TULP3: variants seen among roughly 807,000 people sequenced by gnomAD.
The protein encoded by TULP3 is tubby-related protein 3.
Under a neutral mutation model 50.7 loss-of-function variants are expected in TULP3, and 38 were observed. The observed-to-expected ratio is 0.75, with a 90% CI of 0.58 to 0.98. The LOEUF is 0.98. Among genes scored for constraint, TULP3 ranks in the 50% least tolerant of loss-of-function variants. The pLI is 0.00. For synonymous variants in TULP3, 183 were observed against 196.6 expected, an observed-to-expected ratio of 0.93 and a Z score of 0.58; for missense variants, 550 against 568.0, an observed-to-expected ratio of 0.97 and a Z score of 0.32.
rs761690026 is a variant in TULP3 at position 2,940,764 on chromosome 12, TC to T, written c.*1325del. The T allele has an allele frequency of 2.0e-5, 31 of 1,512,612 alleles. 1 individual carries two copies. The highest frequency in any genetic ancestry group is 3.4e-4 in the Middle Eastern group (2 of 5,838). The allele number at this position is 1,512,612 out of a possible 1,614,324, so 93.7% of individuals were successfully genotyped here. On this transcript the variant is annotated 3_prime_UTR_variant, in exon 11 of 11. Transcript: ENST00000448120. ...TGGCAGCTGCGGGACCCTTGGCTTG[TC>T]CCCCACCGACAAGTCCCACCTGCTG... is the stretch of plus-strand genomic sequence containing the variant.
At chr12:2,917,740 G>A (rs955696962) in intron 2 of TULP3, among the ~76,000 whole-genome samples, 4 of 151,456 alleles carry the variant, frequency 2.6e-5, no homozygotes, top group Non-Finnish European at 4.4e-5. Flanking sequence ...AGCCGGGCGC[G>A]GTGCCGGACG....
chr12:2,935,307 A>G lies in TULP3; in HGVS notation c.924+746A>G, dbSNP rs184193445. 1.1e-3 allele frequency among the ~76,000 whole-genome samples: 165 copies of G among 152,270 alleles called. 1 individual carries two copies. Among genetic ancestry groups the G allele is most frequent in the African/African-American group, 3.8e-3 (158 of 41,564 alleles). On this transcript the variant is annotated intron_variant, in intron 8 of 10. Coordinates refer to ENST00000448120, the MANE Select transcript of TULP3 (RefSeq NM_003324.5). ...CTCTTTCTGGCCTTTTGCCTTATCA[A>G]AGTCTTTTCTGATGTACTCCACTAG... is the stretch of plus-strand genomic sequence containing the variant.
intron 6 of TULP3, among the ~76,000 whole-genome samples, chr12:2,933,084 A>G (rs944033121): frequency 6.6e-6 from 1 of 152,044 alleles, no homozygotes; most frequent in South Asian, 2.1e-4. Flanking sequence ...CTGGGACTGC[A>G]GGCGTCTGCA....
intron 8 of TULP3, 123 bp downstream of exon 8, chr12:2,934,684 G>C (rs922838793): frequency 1.7e-5 from 9 of 532,412 alleles, no homozygotes; most frequent in African/African-American, 1.6e-4. Flanking sequence ...TTCTGTTGCT[G>C]TACCATTTTC....
intron 2 of TULP3, among the ~76,000 whole-genome samples, chr12:2,910,970 C>A (rs369454029): frequency 6.1e-4 from 93 of 152,204 alleles, no homozygotes; most frequent in African/African-American, 2.2e-3. Flanking sequence ...TCTTAGGCAT[C>A]CTAGTATCGT....
Position 2,939,405 on chromosome 12 carries a change from C to T in TULP3, c.1290C>T (p.Ile430=), listed in dbSNP as rs146431356. ...YPLCAVQAFG[I]GLSSFDSKLA... is the part of the protein sequence containing the mutation. Reference sequence around the variant, plus strand: ...TTTGTGCAGTACAGGCCTTTGGCATCGGTCTTTCTAGCTTTGACAGTAAGC... The same window carrying T: ...TTTGTGCAGTACAGGCCTTTGGCATTGGTCTTTCTAGCTTTGACAGTAAGC... Residue 430 remains isoleucine, a synonymous_variant, in exon 11 of 11, where the codon ATC becomes ATT. Transcript: ENST00000448120. This position sits in a 1 kb window ranked among gnomAD's most constrained non-coding sequence, Gnocchi z 4.0. The T allele has an allele frequency of 1.5e-5, 25 of 1,614,172 alleles. No individual in the cohort carries two copies. Among genetic ancestry groups the T allele is most frequent in the African/African-American group, 5.3e-5 (4 of 75,020 alleles).
chr12:2,894,251 C>G (rs1229122524), intron 1 of TULP3, among the ~76,000 whole-genome samples: 3 of 133,738 alleles, frequency 2.2e-5, no homozygotes, highest in African/African-American at 8.6e-5. Flanking sequence ...TGGTGGCTCA[C>G]ACTTGTAATC....
chr12:2,929,460 C>T (rs558875068), intron 4 of TULP3, among the ~76,000 whole-genome samples: 1 of 152,296 alleles, frequency 6.6e-6, no homozygotes, highest in Non-Finnish European at 1.5e-5. Flanking sequence ...CAGGTACCAT[C>T]GTGACCAGCT....
rs80139702 is a variant in TULP3 at position 2,931,715 on chromosome 12, T to C, written c.696+475T>C. ...AAGTTTGAGCCAGCGATGAACTTTA[T>C]TTTATTAATTTTGTATTAATACCAG... On this transcript the variant is annotated intron_variant, in intron 6 of 10. Transcript: ENST00000448120. 1.7e-3 allele frequency among the ~76,000 whole-genome samples: 265 copies of C among 152,330 alleles called. 1 individual carries two copies. The highest frequency in any genetic ancestry group is 2.9e-3 in the Non-Finnish European group (197 of 68,032).
At chr12:2,900,268 T>G (rs2098178354) in intron 1 of TULP3, among the ~76,000 whole-genome samples, 1 of 152,156 alleles carries the variant, frequency 6.6e-6, no homozygotes, top group African/African-American at 2.4e-5. Flanking sequence ...CGTTGTTCTG[T>G]AGATGGTCTC....
chr12:2,915,531 AGTTT>A (rs2098188119), intron 2 of TULP3, among the ~76,000 whole-genome samples: 1 of 117,564 alleles, frequency 8.5e-6, no homozygotes, highest in African/African-American at 3.3e-5. Flanking sequence ...AGATTAAGTT[AGTTT>A]TTTTATTTTG....
At chr12:2,909,258 A>T (rs778778162) in intron 1 of TULP3, among the ~76,000 whole-genome samples, 2 of 152,190 alleles carry the variant, frequency 1.3e-5, no homozygotes, top group East Asian at 3.8e-4. Context: ...TGTTTAAAAC[A>T]AAAGGAAATC....
chr12:2,903,036 AT>A (rs1354993995), intron 1 of TULP3, among the ~76,000 whole-genome samples: 1 of 151,370 alleles, frequency 6.6e-6, no homozygotes, highest in East Asian at 2.0e-4. Context: ...TAATTTTTGT[AT>A]TTTTAGTAGA....
chr12:2,930,391 T>C (rs978200095), intron 5 of TULP3, 46 bp downstream of exon 5: 1 of 1,215,218 alleles, frequency 8.2e-7, no homozygotes, highest in African/African-American at 1.5e-5. Context: ...TTTGACTCTT[T>C]CTCAAACATA....
At position 2,899,990 on chromosome 12, in the gene TULP3, G is replaced by A. The variant is rs370256827; in HGVS notation, c.41+9002G>A. Among the ~76,000 whole-genome samples the A allele has an allele frequency of 2.0e-4, 31 of 151,990 alleles. No homozygotes were observed. In the South Asian group the frequency reaches 5.0e-3, roughly 24 times the overall value. On this transcript the variant is annotated intron_variant, in intron 1 of 10. Transcript: ENST00000448120. ...AGCACTTTGGGAGGTTGAGGCAGGCGCGTCACCTGAGATCACGAGTTCGAG... is the reference window on the plus strand; with the variant it reads ...AGCACTTTGGGAGGTTGAGGCAGGCACGTCACCTGAGATCACGAGTTCGAG...
chr12:2,913,201 T>TGTGTGTGTGTG (rs1565501058), intron 2 of TULP3, among the ~76,000 whole-genome samples: 7 of 146,574 alleles, frequency 4.8e-5, no homozygotes, highest in African/African-American at 1.8e-4. Context: ...TATGTTGAGT[T>TGTGTGTGTGTG]TGTGTGTGTG....
Position 2,916,068 on chromosome 12 carries a change from G to A in TULP3, c.94-4695G>A, listed in dbSNP as rs538149571. 5.3e-5 allele frequency among the ~76,000 whole-genome samples: 8 copies of A among 152,168 alleles called. No homozygotes were observed. The South Asian group carries it at 1.7e-3, about 32-fold the overall frequency. On this transcript the variant is annotated intron_variant, in intron 2 of 10. Coordinates refer to ENST00000448120, the MANE Select transcript of TULP3 (RefSeq NM_003324.5). ...TCTGTTGCCCAGGCTGGAGTGCAAT[G>A]GCGCGATCTTGGCTCACTGCAACCT... is the stretch of plus-strand genomic sequence containing the variant.
chr12:2,935,084 G>A (rs544306825), intron 8 of TULP3, among the ~76,000 whole-genome samples: 103 of 152,132 alleles, frequency 6.8e-4, no homozygotes, highest in African/African-American at 2.4e-3. Context: ...TTCCTACAAC[G>A]AGGCTCCAGT....
At chr12:2,915,070 C>A (rs556681342) in intron 2 of TULP3, among the ~76,000 whole-genome samples, 8 of 152,112 alleles carry the variant, frequency 5.3e-5, no homozygotes, top group Non-Finnish European at 1.2e-4. Context: ...CTCACTGCAA[C>A]CTCTGCCTCT....
Sources: allele counts gnomAD v4.1 joint callset (sites outside exome capture counted in the v4.1 genomes callset), GRCh38; gene constraint gnomAD v4.1.1; non-coding constraint Gnocchi (gnomAD v3.1); transcripts MANE v1.5; gene names NCBI Gene and HGNC (gene_info 2026-07-23, HGNC 2026-07-21).